The following SLC25A13 variants were observed in gnomAD, a reference collection of about 807,000 sequenced individuals.
The protein encoded by SLC25A13 is electrogenic aspartate/glutamate antiporter SLC25A13, mitochondrial.
SLC25A13 carries 70 observed loss-of-function variants against 85.5 expected under a neutral mutation model. The ratio of observed to expected loss-of-function variants is 0.82; its 90% CI spans 0.68 to 1.00. SLC25A13 has a LOEUF of 1.00. Among genes scored for constraint, SLC25A13 ranks in the 50% least tolerant of loss-of-function variants. The probability of loss-of-function intolerance (pLI) is 0.00; values close to 1 mark genes in which losing one functional copy is unlikely to be tolerated. For synonymous variants in SLC25A13, 259 were observed against 288.7 expected (o/e 0.90, Z 1.04); for missense variants, 765 against 819.8 (o/e 0.93, Z 0.82).
chr7:96,128,812 ATAG>A (rs1341639039), intron 15 of SLC25A13, among the ~76,000 whole-genome samples: 149 of 151,028 alleles, frequency 9.9e-4, no homozygotes, highest in African/African-American at 3.5e-3. Context: ...TCAATGCTCT[ATAG>A]TAAGTGAGGC....
intron 2 of SLC25A13, among the ~76,000 whole-genome samples, chr7:96,294,708 C>T (rs967274177): frequency 2.6e-5 from 4 of 152,126 alleles, no homozygotes; most frequent in Non-Finnish European, 5.9e-5. Flanking sequence ...GACAGGGTCT[C>T]ACTCTGTCAT....
chr7:96,305,810 T>C lies in SLC25A13; in HGVS notation c.16-8859A>G, dbSNP rs527476301. Among the ~76,000 whole-genome samples, 26 of 152,238 alleles carry C rather than the reference T, an allele frequency of 1.7e-4. No homozygotes were observed. In the South Asian group the frequency reaches 5.4e-3, roughly 32 times the overall value. On this transcript the variant is annotated intron_variant, in intron 1 of 17. Transcript: ENST00000265631. ...CAAAAATGAAAGGACAATAAAGAAG[T>C]TGCTTCCATTAAATATGCCTTACCT...
chr7:96,240,994 G>GGGAGT (rs1796953702), intron 3 of SLC25A13, among the ~76,000 whole-genome samples: 1 of 111,988 alleles, frequency 8.9e-6, no homozygotes, highest in African/African-American at 3.5e-5. Context: ...GGGAGGGGAG[G>GGGAGT]GGAGGGGAGG....
chr7:96,278,247 C>T (rs1249399829), intron 2 of SLC25A13, among the ~76,000 whole-genome samples: 1 of 152,042 alleles, frequency 6.6e-6, no homozygotes, highest in Non-Finnish European at 1.5e-5. Flanking sequence ...GGTTTGGGGA[C>T]TGAGGAGGCA....
chr7:96,304,601 G>A (rs1365193051), intron 1 of SLC25A13, among the ~76,000 whole-genome samples: 1 of 152,098 alleles, frequency 6.6e-6, no homozygotes, highest in Admixed American at 6.6e-5. Context: ...CTGCTAGATG[G>A]GAGTAGCAAC....
intron 1 of SLC25A13, among the ~76,000 whole-genome samples, chr7:96,314,500 C>G (rs1239234499): frequency 6.6e-6 from 1 of 152,110 alleles, no homozygotes; most frequent in East Asian, 1.9e-4. Flanking sequence ...TACCTCCAAG[C>G]AGAACCAACA....
chr7:96,251,383 G>GT (rs1390072641), intron 3 of SLC25A13, among the ~76,000 whole-genome samples: 1 of 152,190 alleles, frequency 6.6e-6, no homozygotes, highest in Non-Finnish European at 1.5e-5. Context: ...ATAAAGGATT[G>GT]TGAGCCAGAG....
chr7:96,236,319 C>T (rs559795997), intron 3 of SLC25A13, among the ~76,000 whole-genome samples: 108 of 151,990 alleles, frequency 7.1e-4, no homozygotes, highest in African/African-American at 2.4e-3. Flanking sequence ...CGAGACTCTG[C>T]GTAGGAGGCA....
intron 8 of SLC25A13, 101 bp from the exon 9 acceptor site, chr7:96,189,479 T>C: frequency 1.3e-6 from 2 of 1,526,776 alleles, no homozygotes; most frequent in Non-Finnish European, 1.8e-6. Context: ...CATATTTCAG[T>C]ATAGCCTTCA....
At chr7:96,144,506 G>T (rs1207963074) in intron 14 of SLC25A13, among the ~76,000 whole-genome samples, 1 of 152,174 alleles carries the variant, frequency 6.6e-6, no homozygotes, top group Admixed American at 6.5e-5. Flanking sequence ...AAGCCCTGTG[G>T]AATGCTTCTG....
At chr7:96,148,196 G>A (rs1467450840) in intron 13 of SLC25A13, among the ~76,000 whole-genome samples, 1 of 152,148 alleles carries the variant, frequency 6.6e-6, no homozygotes, top group African/African-American at 2.4e-5. Context: ...ATACCAACCT[G>A]GGTTGGATTC....
chr7:96,141,300 G>A (rs1792551974), intron 14 of SLC25A13, among the ~76,000 whole-genome samples: 1 of 152,090 alleles, frequency 6.6e-6, no homozygotes, highest in South Asian at 2.1e-4. Flanking sequence ...TGAGATTACA[G>A]ACGTAAGGCA....
chr7:96,197,953 C>T (rs1311041303), intron 5 of SLC25A13, among the ~76,000 whole-genome samples: 1 of 152,148 alleles, frequency 6.6e-6, no homozygotes, highest in Middle Eastern at 3.2e-3. Context: ...CAGAAGAAGT[C>T]TTTAACCTAT....
intron 3 of SLC25A13, among the ~76,000 whole-genome samples, chr7:96,236,075 G>T (rs940956909): frequency 6.6e-6 from 1 of 152,156 alleles, no homozygotes; most frequent in African/African-American, 2.4e-5. Flanking sequence ...CCTATAGAGA[G>T]AACACATTTT....
rs143518638 is a variant in SLC25A13 at position 96,156,421 on chromosome 7, C to T, written c.1312-9725G>A. Among the ~76,000 whole-genome samples the T allele has an allele frequency of 7.5e-3, 1,145 of 152,182 alleles. 15 individuals are homozygous for T. Among genetic ancestry groups the T allele is most frequent in the African/African-American group, 0.026 (1,098 of 41,534 alleles). On this transcript the variant is annotated intron_variant, in intron 13 of 17. Coordinates refer to ENST00000265631, the MANE Select transcript of SLC25A13 (RefSeq NM_014251.3). The stretch of plus-strand genomic sequence containing the variant: ...AAGAGATTCTCGTGCCTCAGCCTCC[C>T]AAGTACTTGGGACTACAGGCGCTCG...
At chr7:96,227,865 T>C (rs987915587) in intron 4 of SLC25A13, among the ~76,000 whole-genome samples, 3 of 149,612 alleles carry the variant, frequency 2.0e-5, no homozygotes, top group African/African-American at 7.5e-5. Context: ...AAACAAAGAA[T>C]TTTTTTTTTC....
intron 3 of SLC25A13, among the ~76,000 whole-genome samples, chr7:96,238,694 C>T (rs1008088041): frequency 6.6e-6 from 1 of 152,068 alleles, no homozygotes; most frequent in Non-Finnish European, 1.5e-5. Context: ...GCTTCCCAGT[C>T]GCCACGCCTC....
chr7:96,207,169 A>G (rs893711942), intron 5 of SLC25A13, among the ~76,000 whole-genome samples: 1 of 152,230 alleles, frequency 6.6e-6, no homozygotes, highest in Non-Finnish European at 1.5e-5. Context: ...TTGTTTTTAA[A>G]AAATACAAAG....
Position 96,137,870 on chromosome 7 carries a change from G to A in SLC25A13, c.1453-5989C>T, listed in dbSNP as rs112995314. 6.3e-3 allele frequency among the ~76,000 whole-genome samples: 957 copies of A among 152,240 alleles called. 9 individuals carry two copies. The highest frequency in any genetic ancestry group is 0.022 in the African/African-American group (900 of 41,528). On this transcript the variant is annotated intron_variant, in intron 14 of 17. Coordinates refer to ENST00000265631, the MANE Select transcript of SLC25A13 (RefSeq NM_014251.3). Reference sequence around the variant, plus strand: ...GACCTTTTGACCTTGTGATCTGCCCGCCTCAGCACTCTCTGCTGTGATTCT... The same window carrying A: ...GACCTTTTGACCTTGTGATCTGCCCACCTCAGCACTCTCTGCTGTGATTCT...
Sources: allele counts gnomAD v4.1 joint callset (sites outside exome capture counted in the v4.1 genomes callset), GRCh38; gene constraint gnomAD v4.1.1; transcripts MANE v1.5; gene names NCBI Gene and HGNC (gene_info 2026-07-23, HGNC 2026-07-21).